Variants in GTPBP2 observed in about 807,000 individuals in gnomAD.
GTPBP2 encodes the protein GTP binding protein 2.
In GTPBP2, 32 loss-of-function variants were observed where a neutral mutation model predicts 63.0. The observed-to-expected ratio is 0.51, with a 90% confidence interval of 0.38 to 0.68. GTPBP2 has a LOEUF of 0.68. Among genes scored for constraint, GTPBP2 ranks in the 30% least tolerant of loss-of-function variants. GTPBP2 has a pLI of 0.00. For missense variants in GTPBP2, 492 were observed against 796.9 expected (o/e 0.62, Z 4.61); for synonymous variants, 310 against 322.6 (o/e 0.96, Z 0.42).
Position 43,625,218 on chromosome 6 carries a change from G to C in GTPBP2, c.705+145C>G. 9.8e-7 allele frequency: 1 copy of C among 1,016,518 alleles called. No individual in the cohort carries two copies. The highest frequency in any genetic ancestry group is 1.5e-6 in the Non-Finnish European group (1 of 669,550). The allele number at this position is 1,016,518 out of a possible 1,614,324, so 63.0% of individuals were successfully genotyped here. ...TGATTCCCCATTGATTTCCTAAGAGGGGCAGAGCTTGTTCACAGTCCCCTC... is the reference window on the plus strand; with the variant it reads ...TGATTCCCCATTGATTTCCTAAGAGCGGCAGAGCTTGTTCACAGTCCCCTC... On this transcript the variant is annotated intron_variant, in intron 5 of 11. Transcript: ENST00000307126. The surrounding 1 kb of genome is among the most constrained non-coding windows in gnomAD (Gnocchi z 5.1).
In GTPBP2 at chr6:43,621,222, T is replaced by C. The variant is rs1211792886; in HGVS notation, c.*392A>G. On this transcript the variant is annotated 3_prime_UTR_variant, in exon 12 of 12. Coordinates refer to ENST00000307126, the MANE Select transcript of GTPBP2 (RefSeq NM_019096.5). Reference sequence around the variant, plus strand: ...AAGAGGTATAGAAAAAGGAGTGCTTTTGAGGGCTACCCCCTGTTGTGACCA... The same window carrying C: ...AAGAGGTATAGAAAAAGGAGTGCTTCTGAGGGCTACCCCCTGTTGTGACCA... 8.0e-6 allele frequency: 3 copies of C among 374,322 alleles called. No individual in the cohort carries two copies. In the Admixed American group the frequency reaches 1.1e-4, roughly 14 times the overall value. The allele number at this position is 374,322 out of a possible 1,614,324, so 23.2% of individuals were successfully genotyped here.
chr6:43,629,149 A>G lies in GTPBP2; in HGVS notation c.14T>C (p.Val5Ala). The G allele has an allele frequency of 6.8e-7, 1 of 1,468,198 alleles. No individual in the cohort carries two copies. Among genetic ancestry groups the G allele is most frequent in the Non-Finnish European group, 8.9e-7 (1 of 1,119,834 alleles). 90.9% of individuals were successfully genotyped at this position (1,468,198 alleles called of 1,614,324 possible). The change falls in exon 1 of 12, where the codon GTA becomes GCA. Residue 5 changes from valine (V) to alanine (A), a missense_variant. Physicochemically the swap from Val to Ala is moderately conservative, Grantham distance 64. Around this residue, in one of 2 missense-constraint regions of GTPBP2, gnomAD observed 92 missense variants for 86.1 expected, o/e 1.07. Transcript: ENST00000307126. The stretch of plus-strand genomic sequence containing the variant: ...GCAGCAGCCGCCGAACAGCTCCGAT[A>G]CCCGCGAGTCCATCCGCCGCTGCCG... MDSRVSELFGGCCRP... is the reference protein window; with the variant it reads MDSRASELFGGCCRP...
At position 43,624,639 on chromosome 6, in the gene GTPBP2, G is replaced by C. The variant is rs755777932; in HGVS notation, c.971C>G (p.Thr324Ser). ...VVSKIDLCAKTTVERTVRQLE... is the reference protein window; with the variant it reads ...VVSKIDLCAKSTVERTVRQLE... ...CTGGCGTACTGTCCTCTCCACTGTG[G>C]TCTTGGCACATAGGTCGATCTTGCT... The change falls in exon 7 of 12, where the codon ACC becomes AGC. Residue 324 changes from threonine (T) to serine (S), a missense_variant. By Grantham distance (58) the Thr-to-Ser change is moderately conservative (BLOSUM62 1). Coordinates refer to ENST00000307126, the MANE Select transcript of GTPBP2 (RefSeq NM_019096.5). The surrounding 1 kb of genome is among the most constrained non-coding windows in gnomAD (Gnocchi z 5.1). The C allele has an allele frequency of 1.2e-6, 2 of 1,614,182 alleles. No homozygotes were observed. Among genetic ancestry groups the C allele is most frequent in the South Asian group, 2.2e-5 (2 of 91,084 alleles).
In GTPBP2 at chr6:43,624,008, G is replaced by A. The variant is rs1282544833; in HGVS notation, c.1161C>T (p.Val387=). The A allele has an allele frequency of 6.2e-7, 1 of 1,613,844 alleles. No individual in the cohort carries two copies. The highest frequency in any genetic ancestry group is 1.3e-5 in the African/African-American group (1 of 74,888). ...VSGESLDLLK[V]FLNILPPLTN... ...TGAGTGGCGGCAGAATATTCAGAAA[G>A]ACTTTGAGGAGGTCCAGACTCTCTC... The change falls in exon 8 of 12, where the codon GTC becomes GTT. Residue 387 remains valine (V), a synonymous_variant. Coordinates refer to ENST00000307126, the MANE Select transcript of GTPBP2 (RefSeq NM_019096.5). The surrounding 1 kb of genome is among the most constrained non-coding windows in gnomAD (Gnocchi z 5.1).
chr6:43,626,381 G>A lies in GTPBP2; in HGVS notation c.243C>T (p.Arg81=). The part of the protein sequence containing the change: ...KLKLVNPSQY[R]FEHLVTQMKW... ...TCATTTGTGTCACCAGGTGCTCAAA[G>A]CGGTACTGGGATGGATTCACCAGCT... The change falls in exon 3 of 12, where the codon CGC becomes CGT. Residue 81 remains arginine (R), a synonymous_variant. Coordinates refer to ENST00000307126, the MANE Select transcript of GTPBP2 (RefSeq NM_019096.5). This position sits in a 1 kb window ranked among gnomAD's most constrained non-coding sequence, Gnocchi z 4.0. 3 of 1,614,220 alleles carry A rather than the reference G, an allele frequency of 1.9e-6. No individual in the cohort carries two copies. In the East Asian group the frequency reaches 6.7e-5, roughly 36 times the overall value.
At chr6:43,621,929 A>T in intron 11 of GTPBP2, 74 bp downstream of exon 11, 1 of 1,599,078 alleles carries the variant, frequency 6.3e-7, no homozygotes, top group Non-Finnish European at 8.6e-7. Context: ...GGGATCAAGG[A>T]GTTCTCTGCC....
Position 43,629,104 on chromosome 6 carries a change from G to A in GTPBP2, c.59C>T (p.Ala20Val). ...GGCCRPGGGPAVGGTLKARGA... is the reference protein window; with the variant it reads ...GGCCRPGGGPVVGGTLKARGA... ...CCTAGCCTTGAGGGTTCCGCCCACG[G>A]CCGGGCCCCCTCCGGGCCGGCAGCA... The change falls in exon 1 of 12, where the codon GCC becomes GTC. Residue 20 changes from alanine (A) to valine (V), a missense_variant. This residue lies in a region of GTPBP2 where 92 missense variants were observed against 86.1 expected (regional missense o/e 1.07). Coordinates refer to ENST00000307126, the MANE Select transcript of GTPBP2 (RefSeq NM_019096.5). 3 of 1,555,262 alleles carry A rather than the reference G, an allele frequency of 1.9e-6. No individual in the cohort carries two copies. The South Asian group carries it at 3.5e-5, about 18-fold the overall frequency.
chr6:43,621,961 T>C (rs1768774312), intron 11 of GTPBP2, 42 bp downstream of exon 11: 2 of 1,611,732 alleles, frequency 1.2e-6, no homozygotes, highest in Non-Finnish European at 1.7e-6. Flanking sequence ...GGCCTCCCTC[T>C]TTTCTGACCT....
chr6:43,630,467 C>T (rs575068132), upstream of GTPBP2, among the ~76,000 whole-genome samples: 27 of 152,222 alleles, frequency 1.8e-4, no homozygotes, highest in South Asian at 5.6e-3. Flanking sequence ...CAGCCGGGTG[C>T]GGTGCCTCAC....
rs1208369786 is a variant in GTPBP2 at position 43,622,823 on chromosome 6, G to A, written c.1296-19C>T. ...AATCCCACTGCAGCCCAGAGGGCAGGTGGCACAGTGTCAGCCAAGGTCCCC... is the reference window on the plus strand; with the variant it reads ...AATCCCACTGCAGCCCAGAGGGCAGATGGCACAGTGTCAGCCAAGGTCCCC... On this transcript the variant is annotated intron_variant, in intron 9 of 11. Coordinates refer to ENST00000307126, the MANE Select transcript of GTPBP2 (RefSeq NM_019096.5). The surrounding 1 kb of genome is among the most constrained non-coding windows in gnomAD (Gnocchi z 5.4). The A allele has an allele frequency of 2.5e-6, 4 of 1,596,970 alleles. No homozygotes were observed. The highest frequency in any genetic ancestry group is 1.7e-5 in the Admixed American group (1 of 58,210).
rs758553048 is a variant in GTPBP2 at position 43,625,349 on chromosome 6, T to C, written c.705+14A>G. ...CAGAGTCTGGCCCCATTGGGTCCCATTGATCCCATGCACCTCTCCCTTGCT... is the reference window on the plus strand; with the variant it reads ...CAGAGTCTGGCCCCATTGGGTCCCACTGATCCCATGCACCTCTCCCTTGCT... On this transcript the variant is annotated intron_variant, in intron 5 of 11. Transcript: ENST00000307126. The surrounding 1 kb of genome is among the most constrained non-coding windows in gnomAD (Gnocchi z 5.1). 6.2e-6 allele frequency: 10 copies of C among 1,612,120 alleles called. No homozygotes were observed. Among genetic ancestry groups the C allele is most frequent in the Non-Finnish European group, 5.9e-6 (7 of 1,178,162 alleles).
Position 43,625,977 on chromosome 6 carries a change from C to A in GTPBP2, c.399-113G>T. ...CCACAGAGCTCCCAATACCTTAGTG[C>A]ACTTCCTACCACCCTCCAATCTATT... On this transcript the variant is annotated intron_variant, in intron 3 of 11. Coordinates refer to ENST00000307126, the MANE Select transcript of GTPBP2 (RefSeq NM_019096.5). This position sits in a 1 kb window ranked among gnomAD's most constrained non-coding sequence, Gnocchi z 5.1. 1.3e-6 allele frequency: 1 copy of A among 793,118 alleles called. No homozygotes were observed. Among genetic ancestry groups the A allele is most frequent in the Non-Finnish European group, 2.2e-6 (1 of 457,778 alleles). 49.1% of individuals were successfully genotyped at this position (793,118 alleles called of 1,614,324 possible).
Position 43,622,197 on chromosome 6 carries a change from A to G in GTPBP2, c.1468-30T>C. 1 of 1,593,812 alleles carries G rather than the reference A, an allele frequency of 6.3e-7. No homozygotes were observed. The highest frequency in any genetic ancestry group is 8.6e-7 in the Non-Finnish European group (1 of 1,165,230). ...GGAGGAACAGACCCCAGGCCCAGGA[A>G]GGGCAGCTCTAACATCAGACTCTCC... On this transcript the variant is annotated intron_variant, in intron 10 of 11. Transcript: ENST00000307126. This position sits in a 1 kb window ranked among gnomAD's most constrained non-coding sequence, Gnocchi z 5.4.
At chr6:43,623,840 G>C (rs1769050964) in intron 8 of GTPBP2, 45 bp from the exon 9 acceptor site, 1 of 1,608,768 alleles carries the variant, frequency 6.2e-7, no homozygotes, top group South Asian at 1.1e-5. Flanking sequence ...AAGTAGGGCT[G>C]GTGGGTCCAA....
chr6:43,627,182 G>C, intron 1 of GTPBP2: 2 of 782,066 alleles, frequency 2.6e-6, no homozygotes, highest in Non-Finnish European at 3.5e-6. Context: ...TTTAAGCCAG[G>C]AACAGAACAC....
At chr6:43,627,428 G>T in intron 1 of GTPBP2, 1 of 681,578 alleles carries the variant, frequency 1.5e-6, no homozygotes, top group Non-Finnish European at 1.8e-6. Flanking sequence ...CTGGATCAGA[G>T]CCAAAGGGTG....
Position 43,624,922 on chromosome 6 carries a change from G to A in GTPBP2, c.846C>T (p.Cys282=), listed in dbSNP as rs762520762. The change falls in exon 6 of 12, where the codon TGC becomes TGT. Residue 282 remains cysteine (C), a synonymous_variant. Transcript: ENST00000307126. This position sits in a 1 kb window ranked among gnomAD's most constrained non-coding sequence, Gnocchi z 5.1. ...TGTTGGCACTGACGAGGAGCAGGGC[G>A]CAGTCGGGGCAGTATGATGTGAGGC... ...IFGLTSYCPD[C]ALLLVSANTG... is the part of the protein sequence containing the mutation. 4.5e-5 allele frequency: 73 copies of A among 1,614,036 alleles called. No homozygotes were observed. Among genetic ancestry groups the A allele is most frequent in the Middle Eastern group, 1.6e-4 (1 of 6,084 alleles).
intron 1 of GTPBP2, among the ~76,000 whole-genome samples, chr6:43,627,504 C>T (rs1232476440): frequency 6.6e-6 from 1 of 152,244 alleles, no homozygotes; most frequent in East Asian, 1.9e-4. Flanking sequence ...AGAAGAGCTC[C>T]AAAGCTGGGG....
At position 43,622,364 on chromosome 6, in the gene GTPBP2, T is replaced by C. The variant is rs888671619; in HGVS notation, c.1468-197A>G. On this transcript the variant is annotated intron_variant, in intron 10 of 11. Coordinates refer to ENST00000307126, the MANE Select transcript of GTPBP2 (RefSeq NM_019096.5). This position sits in a 1 kb window ranked among gnomAD's most constrained non-coding sequence, Gnocchi z 5.4. ...CCCACCTCCTACGTCCTCTAGCCCA[T>C]CTAACGCTTCACATTTTTAGGGTCC... Among the ~76,000 whole-genome samples the C allele has an allele frequency of 3.3e-5, 5 of 152,190 alleles. No homozygotes were observed. Among genetic ancestry groups the C allele is most frequent in the South Asian group, 2.1e-4 (1 of 4,826 alleles).
Sources: allele counts gnomAD v4.1 joint callset (sites outside exome capture counted in the v4.1 genomes callset), GRCh38; gene constraint gnomAD v4.1.1; regional missense constraint gnomAD v4.1.1; non-coding constraint Gnocchi (gnomAD v3.1); transcripts MANE v1.5; gene names NCBI Gene and HGNC (gene_info 2026-07-23, HGNC 2026-07-21).